CNOT6: variants seen among roughly 807,000 people sequenced by gnomAD.
CNOT6 encodes carbon catabolite repression 4 protein.
A neutral mutation model predicts 61.2 loss-of-function variants in CNOT6; 12 were observed. That is an observed-to-expected ratio of 0.20 (90% CI 0.13 to 0.32). The LOEUF is 0.32. Among genes scored for constraint, CNOT6 ranks in the 10% least tolerant of loss-of-function variants. The pLI, the probability that CNOT6 is intolerant of heterozygous loss-of-function variation, is 1.00. For missense variants in CNOT6, 405 were observed against 663.9 expected (o/e 0.61, Z 4.28); for synonymous variants, 225 against 240.6 (o/e 0.94, Z 0.60).
chr5:180,538,822 T>C (rs1758864071), intron 2 of CNOT6, among the ~76,000 whole-genome samples: 1 of 151,014 alleles, frequency 6.6e-6, no homozygotes, highest in African/African-American at 2.4e-5. Flanking sequence ...GAGGTTACAG[T>C]GAGCTGAGAT....
intron 1 of CNOT6, among the ~76,000 whole-genome samples, chr5:180,502,753 C>G (rs1241469345): frequency 6.6e-6 from 1 of 152,062 alleles, no homozygotes; most frequent in African/African-American, 2.4e-5. Context: ...TTAGTAATCT[C>G]TCCTAATTAA....
chr5:180,569,969 G>A (rs1348981633), intron 10 of CNOT6, among the ~76,000 whole-genome samples: 1 of 152,102 alleles, frequency 6.6e-6, no homozygotes, highest in African/African-American at 2.4e-5. Context: ...ATACACACAG[G>A]AATACTCTTC....
rs1581580987 is a variant in CNOT6 at position 180,574,676 on chromosome 5, T to C, written c.*476T>C. ...GATTGTATATGATCCACAGAAGACC[T>C]GATTTATGAAATTTTGTACTAAAAT... On this transcript the variant is annotated 3_prime_UTR_variant, in exon 12 of 12. Coordinates refer to ENST00000261951, the MANE Select transcript of CNOT6 (RefSeq NM_001370472.1). The C allele has an allele frequency of 6.4e-6, 1 of 156,780 alleles. No individual in the cohort carries two copies. The highest frequency in any genetic ancestry group is 1.4e-5 in the Non-Finnish European group (1 of 70,726). 9.7% of individuals were successfully genotyped at this position (156,780 alleles called of 1,614,324 possible).
At chr5:180,530,201 T>A (rs1006345372) in intron 2 of CNOT6, among the ~76,000 whole-genome samples, 1 of 152,242 alleles carries the variant, frequency 6.6e-6, no homozygotes, top group African/African-American at 2.4e-5. Context: ...CTGACCGCCC[T>A]TGATTTTTAA....
intron 1 of CNOT6, among the ~76,000 whole-genome samples, chr5:180,497,413 A>C (rs1351499542): frequency 6.6e-6 from 1 of 152,152 alleles, no homozygotes; most frequent in Non-Finnish European, 1.5e-5. Context: ...TAAATGATAA[A>C]CCTTTTTCAT....
rs773771075 is a variant in CNOT6, at chr5:180,574,433, T to G, written c.*233T>G. 15 of 559,760 alleles carry G rather than the reference T, an allele frequency of 2.7e-5. No individual in the cohort carries two copies. Among genetic ancestry groups the G allele is most frequent in the Non-Finnish European group, 4.5e-5 (14 of 313,056 alleles). 34.7% of individuals were successfully genotyped at this position (559,760 alleles called of 1,614,324 possible). A position where few individuals can be genotyped will look rare whatever the true frequency, so the allele number is the denominator to read the frequency against. On this transcript the variant is annotated 3_prime_UTR_variant, in exon 12 of 12. Coordinates refer to ENST00000261951, the MANE Select transcript of CNOT6 (RefSeq NM_001370472.1). ...GGATTGGTGTGTTTGCACCTGTCTTTCATTTGTCATAAGAGATTTTCCTAT... is the reference window on the plus strand; with the variant it reads ...GGATTGGTGTGTTTGCACCTGTCTTGCATTTGTCATAAGAGATTTTCCTAT...
At chr5:180,533,312 C>CTATATATATATATATATATATATA (rs56266069) in intron 2 of CNOT6, among the ~76,000 whole-genome samples, 67 of 127,576 alleles carry the variant, frequency 5.3e-4, no homozygotes, top group African/African-American at 7.8e-4. Flanking sequence ...GGATGAAAAC[C>CTATATATATATATATATATATATA]TATATATATA....
intron 1 of CNOT6, among the ~76,000 whole-genome samples, chr5:180,504,955 A>ATTTTTTT (rs769852255): frequency 0.025 from 2,491 of 101,372 alleles, 129 homozygotes; most frequent in African/African-American, 0.046. Context: ...GTACTAGTTA[A>ATTTTTTT]TTTTTTTTTT....
chr5:180,506,619 A>AT (rs1009594683), intron 1 of CNOT6, among the ~76,000 whole-genome samples: 3 of 152,114 alleles, frequency 2.0e-5, no homozygotes, highest in African/African-American at 7.2e-5. Context: ...ACTAAGATAG[A>AT]TTTTTTATAG....
At chr5:180,511,884 G>A (rs937919) in intron 1 of CNOT6, among the ~76,000 whole-genome samples, 52,663 of 152,220 alleles carry the variant, frequency 0.35, 9,934 homozygotes, top group East Asian at 0.75. Flanking sequence ...AGCCTGCTGA[G>A]TAACTAGGAT....
At chr5:180,543,319 A>G (rs1222673238) in intron 2 of CNOT6, among the ~76,000 whole-genome samples, 1 of 148,946 alleles carries the variant, frequency 6.7e-6, no homozygotes, top group Admixed American at 6.7e-5. Flanking sequence ...TCGGCCTCCC[A>G]AAGTGCTGTG....
intron 2 of CNOT6, among the ~76,000 whole-genome samples, chr5:180,533,312 C>CTATATGTATATATATATATATATATA (rs71591497): frequency 3.1e-5 from 4 of 127,630 alleles, no homozygotes; most frequent in Admixed American, 7.6e-5. Context: ...GGATGAAAAC[C>CTATATGTATATATATATATATATATA]TATATATATA....
rs376755263 is a variant in CNOT6 at position 180,574,083 on chromosome 5, C to T, written c.1557C>T (p.Ile519=). ...LDHHWLVENN[I]SGCPHPLIPS... ...ACCACTGGCTGGTTGAGAATAACATCAGTGGCTGCCCGCACCCCCTCATCC... is the reference window on the plus strand; with the variant it reads ...ACCACTGGCTGGTTGAGAATAACATTAGTGGCTGCCCGCACCCCCTCATCC... The change falls in exon 12 of 12, where the codon ATC becomes ATT. Residue 519 remains isoleucine (I), a synonymous_variant. Coordinates refer to ENST00000261951, the MANE Select transcript of CNOT6 (RefSeq NM_001370472.1). 5 of 1,613,884 alleles carry T rather than the reference C, an allele frequency of 3.1e-6. No individual in the cohort carries two copies. Among genetic ancestry groups the T allele is most frequent in the Admixed American group, 3.3e-5 (2 of 60,006 alleles).
intron 1 of CNOT6, among the ~76,000 whole-genome samples, chr5:180,506,871 A>T (rs1757151884): frequency 6.6e-6 from 1 of 152,142 alleles, no homozygotes; most frequent in Non-Finnish European, 1.5e-5. Context: ...AATATTTGCC[A>T]AGCTCTGGAG....
rs1386547696 is a variant in CNOT6, at chr5:180,522,457, C to T, written c.-2-6818C>T. 2.6e-5 allele frequency among the ~76,000 whole-genome samples: 4 copies of T among 152,290 alleles called. No individual in the cohort carries two copies. In the East Asian group the frequency reaches 7.7e-4, roughly 29 times the overall value. ...TTTGAGAAATCTCCAAACTGTTTTTCACAATGGCTAAACTAATTACATTCC... is the reference window on the plus strand; with the variant it reads ...TTTGAGAAATCTCCAAACTGTTTTTTACAATGGCTAAACTAATTACATTCC... On this transcript the variant is annotated intron_variant, in intron 1 of 11. Transcript: ENST00000261951.
chr5:180,571,509 A>G, intron 11 of CNOT6, 77 bp downstream of exon 11: 2 of 1,041,190 alleles, frequency 1.9e-6, no homozygotes, highest in Non-Finnish European at 2.9e-6. Flanking sequence ...ATGTCTTTAA[A>G]ACTGTGGCTG....
At chr5:180,564,940 T>C (rs893592096) in intron 6 of CNOT6, among the ~76,000 whole-genome samples, 197 bp downstream of exon 6, 1 of 152,262 alleles carries the variant, frequency 6.6e-6, no homozygotes, top group Admixed American at 6.5e-5. Flanking sequence ...AAGTGTGCTA[T>C]AAAGCAGTGC....
chr5:180,554,488 G>A (rs1380464428), intron 4 of CNOT6, among the ~76,000 whole-genome samples: 1 of 149,624 alleles, frequency 6.7e-6, no homozygotes, highest in Non-Finnish European at 1.5e-5. Flanking sequence ...TTTTAGTCCT[G>A]TAAATATTTT....
chr5:180,525,910 G>A (rs2127717738), intron 1 of CNOT6, among the ~76,000 whole-genome samples: 1 of 149,258 alleles, frequency 6.7e-6, no homozygotes, highest in South Asian at 2.1e-4. Context: ...AGATCACTGG[G>A]TTTCTTCTTT....
Sources: allele counts gnomAD v4.1 joint callset (sites outside exome capture counted in the v4.1 genomes callset), GRCh38; gene constraint gnomAD v4.1.1; transcripts MANE v1.5; gene names NCBI Gene and HGNC (gene_info 2026-07-23, HGNC 2026-07-21).